The following FOCAD variants were observed in gnomAD, a reference collection of about 807,000 sequenced individuals.
FOCAD encodes KIAA1797.
Under a neutral mutation model 225.6 loss-of-function variants are expected in FOCAD, and 198 were observed. That is an observed-to-expected ratio of 0.88 (90% confidence interval 0.78 to 0.99). The LOEUF (loss-of-function observed/expected upper bound fraction) is 0.99. FOCAD is among the 50% of genes least tolerant of loss of function. FOCAD has a pLI of 0.00. For missense variants in FOCAD, 2,713 were observed against 2,123.6 expected (o/e 1.28, Z -5.46); for synonymous variants, 897 against 755.0 (o/e 1.19, Z -3.08).
intron 15 of FOCAD, among the ~76,000 whole-genome samples, chr9:20,833,333 T>C (rs1825697516): frequency 6.6e-6 from 1 of 152,086 alleles, no homozygotes; most frequent in Non-Finnish European, 1.5e-5. Context: ...TAAGGATGTT[T>C]GTCCTGGTAT....
chr9:20,681,691 A>T (rs935145103), upstream of FOCAD, among the ~76,000 whole-genome samples: 1 of 152,168 alleles, frequency 6.6e-6, no homozygotes, highest in Non-Finnish European at 1.5e-5. Context: ...TCATCTTGGT[A>T]TCTCCTGTGC....
At chr9:20,813,644 C>G (rs1490910952) in intron 11 of FOCAD, among the ~76,000 whole-genome samples, 3 of 152,164 alleles carry the variant, frequency 2.0e-5, no homozygotes, top group African/African-American at 4.8e-5. Flanking sequence ...GTTTTGTGAT[C>G]TCACACGTGG....
At position 20,986,447 on chromosome 9, in the gene FOCAD, G is replaced by C; in HGVS notation, c.4888G>C (p.Val1630Leu). ...ILHSLYQARI[V>L]SHANTGVLKR... ...GCACAGCTTATACCAGGCACGGATT[G>C]TGAGCCATGCCAATACGGGTGAGGA... Residue 1630 changes from valine (V) to leucine (L), a missense_variant, in exon 40 of 44, where the codon GTG becomes CTG. Coordinates refer to ENST00000338382, the MANE Select transcript of FOCAD (RefSeq NM_001375567.1). 6.2e-7 allele frequency: 1 copy of C among 1,611,168 alleles called. No individual in the cohort carries two copies. The highest frequency in any genetic ancestry group is 8.5e-7 in the Non-Finnish European group (1 of 1,179,026).
At chr9:20,972,955 G>C (rs7848370) in intron 35 of FOCAD, among the ~76,000 whole-genome samples, 113,298 of 150,670 alleles carry the variant, frequency 0.75, 42,673 homozygotes, top group East Asian at 0.94. Context: ...CTGTGCTTCT[G>C]CTTTCTGCAG....
intron 2 of FOCAD, among the ~76,000 whole-genome samples, chr9:20,669,371 C>T (rs1051740644): frequency 6.6e-6 from 1 of 152,136 alleles, no homozygotes. Context: ...GCCTGAGAAG[C>T]ACTTGGTGAA....
chr9:20,871,189 G>A (rs1229271834), intron 18 of FOCAD, among the ~76,000 whole-genome samples: 1 of 151,590 alleles, frequency 6.6e-6, no homozygotes, highest in East Asian at 1.9e-4. Flanking sequence ...AGGCAACAGA[G>A]CAAGACTCTG....
chr9:20,836,220 G>T (rs576971278), intron 15 of FOCAD, among the ~76,000 whole-genome samples: 1 of 152,146 alleles, frequency 6.6e-6, no homozygotes, highest in African/African-American at 2.4e-5. Flanking sequence ...CCTGCATTTT[G>T]TTTAAGCATT....
intron 23 of FOCAD, among the ~76,000 whole-genome samples, chr9:20,916,492 G>A (rs1210502886): frequency 6.6e-6 from 1 of 152,106 alleles, no homozygotes; most frequent in Non-Finnish European, 1.5e-5. Flanking sequence ...AGTCAGTTTG[G>A]GCTTCTAAAT....
chr9:20,740,300 C>T lies in FOCAD; in HGVS notation c.352C>T (p.Gln118Ter). ...LLQMQALKEGQGGEKNIQSIY... is the reference protein window; with the variant it reads ...LLQMQALKEG ...ACAAATGCAAGCTCTTAAGGAAGGACAAGGTGGGGAAAAGAATATTCAGAG... is the reference window on the plus strand; with the variant it reads ...ACAAATGCAAGCTCTTAAGGAAGGATAAGGTGGGGAAAAGAATATTCAGAG... The change falls in exon 5 of 44, where the codon CAA becomes TAA. Residue 118 changes from glutamine to a stop codon, truncating the protein, a stop_gained. Transcript: ENST00000338382. LOFTEE classifies it high-confidence loss of function. The T allele has an allele frequency of 6.2e-7, 1 of 1,610,864 alleles. No homozygotes were observed. The highest frequency in any genetic ancestry group is 8.5e-7 in the Non-Finnish European group (1 of 1,178,186).
At chr9:20,761,724 C>T (rs558583953) in intron 6 of FOCAD, among the ~76,000 whole-genome samples, 1 of 152,178 alleles carries the variant, frequency 6.6e-6, no homozygotes, top group Non-Finnish European at 1.5e-5. Flanking sequence ...CTGGCCCAAG[C>T]CTCCATTTTT....
intron 18 of FOCAD, among the ~76,000 whole-genome samples, chr9:20,872,364 A>C (rs1299874035): frequency 6.6e-6 from 1 of 152,196 alleles, no homozygotes; most frequent in African/African-American, 2.4e-5. Context: ...GGATAGGATA[A>C]AAGTTGTACA....
At chr9:20,703,028 G>A (rs989814806) in intron 1 of FOCAD, among the ~76,000 whole-genome samples, 1 of 151,934 alleles carries the variant, frequency 6.6e-6, no homozygotes, top group Non-Finnish European at 1.5e-5. Context: ...AAAACAAAAC[G>A]GTCCCTGCCT....
chr9:20,865,391 A>G (rs948273728), intron 16 of FOCAD, among the ~76,000 whole-genome samples: 1 of 152,082 alleles, frequency 6.6e-6, no homozygotes, highest in African/African-American at 2.4e-5. Context: ...GAAGAAGACC[A>G]CCGACTGTTG....
chr9:20,730,653 G>A (rs565074681), intron 4 of FOCAD, among the ~76,000 whole-genome samples: 1 of 152,194 alleles, frequency 6.6e-6, no homozygotes, highest in South Asian at 2.1e-4. Flanking sequence ...TTAAGATGGA[G>A]GGGAGTGAAA....
At chr9:20,752,931 G>A (rs1380098032) in intron 5 of FOCAD, among the ~76,000 whole-genome samples, 2 of 148,786 alleles carry the variant, frequency 1.3e-5, no homozygotes, top group African/African-American at 2.5e-5. Flanking sequence ...ATTGGGAATG[G>A]GAGTTCACTC....
intron 24 of FOCAD, among the ~76,000 whole-genome samples, chr9:20,922,542 A>T (rs1049377700): frequency 6.6e-6 from 1 of 152,132 alleles, no homozygotes; most frequent in Non-Finnish European, 1.5e-5. Flanking sequence ...ATACCCACTG[A>T]CTCAAGTCTT....
intron 35 of FOCAD, among the ~76,000 whole-genome samples, chr9:20,961,190 C>T (rs1838689542): frequency 6.6e-6 from 1 of 151,832 alleles, no homozygotes; most frequent in African/African-American, 2.4e-5. Flanking sequence ...TCTCCGCTCC[C>T]CTCCTCTTCT....
At chr9:20,980,067 A>C (rs577832007) in intron 37 of FOCAD, among the ~76,000 whole-genome samples, 1 of 152,028 alleles carries the variant, frequency 6.6e-6, no homozygotes, top group Non-Finnish European at 1.5e-5. Context: ...GCCACCACCA[A>C]TCTGCTTTCT....
rs1421886054 is a variant in FOCAD, at chr9:20,781,905, A to G, written c.1173A>G (p.Glu391=). Residue 391 remains glutamate, a synonymous_variant, in exon 10 of 44, where the codon GAA becomes GAG. Coordinates refer to ENST00000338382, the MANE Select transcript of FOCAD (RefSeq NM_001375567.1). ...ACCTTTTGGAAATGATACAGCAGGA[A>G]TGTTACAGAGATGACCACCAAAAGG... ...ALNLLEMIQQ[E]CYRDDHQKLS... is the part of the protein sequence containing the mutation. The G allele has an allele frequency of 1.2e-6, 2 of 1,613,834 alleles. No homozygotes were observed. Among genetic ancestry groups the G allele is most frequent in the African/African-American group, 1.3e-5 (1 of 74,938 alleles).
Sources: allele counts gnomAD v4.1 joint callset (sites outside exome capture counted in the v4.1 genomes callset), GRCh38; gene constraint gnomAD v4.1.1; transcripts MANE v1.5; gene names NCBI Gene and HGNC (gene_info 2026-07-23, HGNC 2026-07-21).